PPP3R1: variants seen among roughly 807,000 people sequenced by gnomAD.
The protein encoded by PPP3R1 is protein phosphatase 3 regulatory subunit B, alpha, also known as calcineurin subunit B type 1.
In PPP3R1, 5 loss-of-function variants were observed where a neutral mutation model predicts 22.6. The observed-to-expected ratio is 0.22, with a 90% CI of 0.12 to 0.46. The LOEUF is 0.46. Among genes scored for constraint, PPP3R1 ranks in the 20% least tolerant of loss-of-function variants. PPP3R1 has a pLI of 0.99. For missense variants in PPP3R1, 61 were observed against 203.2 expected, an observed-to-expected ratio of 0.30 and a Z score of 4.25; for synonymous variants, 56 against 65.2, an observed-to-expected ratio of 0.86 and a Z score of 0.68.
chr2:68,236,719 C>T (rs1330979325), intron 1 of PPP3R1, among the ~76,000 whole-genome samples: 1 of 152,038 alleles, frequency 6.6e-6, no homozygotes, highest in African/African-American at 2.4e-5. Flanking sequence ...GTTGTTTTTA[C>T]TATCATATGG....
chr2:68,250,687 C>A (rs549982241), intron 1 of PPP3R1, among the ~76,000 whole-genome samples: 42 of 152,312 alleles, frequency 2.8e-4, no homozygotes, highest in African/African-American at 9.9e-4. Flanking sequence ...AGCTGCCTCG[C>A]AAGTTGGCAA....
At chr2:68,198,329 G>A (rs535906302) in intron 2 of PPP3R1, among the ~76,000 whole-genome samples, 8 of 86,774 alleles carry the variant, frequency 9.2e-5, no homozygotes, top group South Asian at 7.3e-4. Context: ...ATATACATAT[G>A]TACATATATG....
chr2:68,206,953 T>C lies in PPP3R1; in HGVS notation c.43+10139A>G, dbSNP rs1354867336. ...AGAGAACACTGGCTTGAGCTAGGTA[T>C]GGAAGGGATGAGAAGGCATGACAGG... On this transcript the variant is annotated intron_variant, in intron 2 of 5. Coordinates refer to ENST00000234310, the MANE Select transcript of PPP3R1 (RefSeq NM_000945.4). 3.3e-5 allele frequency among the ~76,000 whole-genome samples: 5 copies of C among 152,052 alleles called. No homozygotes were observed. In the East Asian group the frequency reaches 5.8e-4, roughly 18 times the overall value.
chr2:68,232,048 T>C (rs1380932098), intron 1 of PPP3R1, among the ~76,000 whole-genome samples: 1 of 145,824 alleles, frequency 6.9e-6, no homozygotes, highest in Non-Finnish European at 1.5e-5. Context: ...TCACCTGAGG[T>C]CAGGAGTTCA....
intron 2 of PPP3R1, 86 bp downstream of exon 2, chr2:68,217,006 T>C: frequency 1.1e-6 from 1 of 912,522 alleles, no homozygotes; most frequent in Non-Finnish European, 1.6e-6. Context: ...ATTACAGAGG[T>C]ATGATACACA....
At chr2:68,232,387 G>C (rs913742436) in intron 1 of PPP3R1, among the ~76,000 whole-genome samples, 1 of 147,814 alleles carries the variant, frequency 6.8e-6, no homozygotes, top group Non-Finnish European at 1.5e-5. Context: ...GTTGCAGTGA[G>C]CCAAGATCAC....
intron 1 of PPP3R1, among the ~76,000 whole-genome samples, chr2:68,241,398 G>A (rs1051324030): frequency 6.6e-6 from 1 of 152,024 alleles, no homozygotes; most frequent in East Asian, 1.9e-4. Flanking sequence ...ACAATTTAAG[G>A]TGTTGTTATT....
intron 1 of PPP3R1, among the ~76,000 whole-genome samples, chr2:68,235,777 T>A (rs1337592879): frequency 6.6e-6 from 1 of 152,240 alleles, no homozygotes; most frequent in African/African-American, 2.4e-5. Context: ...GAGGAATTAT[T>A]TTCTAATGCA....
At chr2:68,215,275 CTAAAA>C (rs1007430641) in intron 2 of PPP3R1, among the ~76,000 whole-genome samples, 31 of 151,880 alleles carry the variant, frequency 2.0e-4, no homozygotes, top group African/African-American at 7.5e-4. Context: ...ACCCATGAAC[CTAAAA>C]TAAAAGTTTA....
chr2:68,188,380 G>T, intron 3 of PPP3R1, 134 bp downstream of exon 3: 1 of 616,616 alleles, frequency 1.6e-6, no homozygotes, highest in Non-Finnish European at 2.6e-6. Flanking sequence ...TGCCACAGAC[G>T]CTGAGGTTTT....
At chr2:68,244,231 G>C (rs920687928) in intron 1 of PPP3R1, among the ~76,000 whole-genome samples, 10 of 152,110 alleles carry the variant, frequency 6.6e-5, no homozygotes, top group African/African-American at 2.4e-4. Context: ...CTCTTTTCTG[G>C]TTAAAACCCC....
chr2:68,237,552 C>T (rs1558643166), intron 1 of PPP3R1, among the ~76,000 whole-genome samples: 1 of 152,040 alleles, frequency 6.6e-6, no homozygotes, highest in Non-Finnish European at 1.5e-5. Context: ...CATTATACAA[C>T]TCTATGAGTA....
At position 68,190,235 on chromosome 2, in the gene PPP3R1, G is replaced by A. The variant is rs1335665006; in HGVS notation, c.44-1545C>T. Among the ~76,000 whole-genome samples the A allele has an allele frequency of 3.5e-5, 4 of 115,302 alleles. No individual in the cohort carries two copies. In the Admixed American group the frequency reaches 4.3e-4, roughly 13 times the overall value. The allele number at this position is 115,302 out of a possible 152,430, so 75.6% of individuals were successfully genotyped here. On this transcript the variant is annotated intron_variant, in intron 2 of 5. Coordinates refer to ENST00000234310, the MANE Select transcript of PPP3R1 (RefSeq NM_000945.4). ...GTTCACAGGGATTTTTCACAGTAAA[G>A]GATCAGGGCAAGTTTCTCTTAAAAA...
chr2:68,201,562 T>C (rs1264865901), intron 2 of PPP3R1, among the ~76,000 whole-genome samples: 2 of 152,242 alleles, frequency 1.3e-5, no homozygotes, highest in African/African-American at 2.4e-5. Flanking sequence ...GCCTATGGCA[T>C]AGTTGTTATC....
chr2:68,241,843 C>CA (rs35587118), intron 1 of PPP3R1, among the ~76,000 whole-genome samples: 3,950 of 92,450 alleles, frequency 0.043, 186 homozygotes, highest in African/African-American at 0.12. Context: ...GACTCCATCT[C>CA]AAAAAAAAAA....
intron 1 of PPP3R1, among the ~76,000 whole-genome samples, chr2:68,230,758 A>C (rs768719475): frequency 6.2e-4 from 94 of 152,184 alleles, no homozygotes; most frequent in South Asian, 1.2e-3. Flanking sequence ...CTTTCATTCC[A>C]GAAGGGTGTT....
chr2:68,220,894 G>T (rs1214028650), intron 1 of PPP3R1, among the ~76,000 whole-genome samples: 1 of 152,284 alleles, frequency 6.6e-6, no homozygotes, highest in East Asian at 1.9e-4. Context: ...GTTGCTGGGG[G>T]AGGAGGAATG....
At chr2:68,233,798 T>A (rs1168631577) in intron 1 of PPP3R1, among the ~76,000 whole-genome samples, 1 of 152,180 alleles carries the variant, frequency 6.6e-6, no homozygotes, top group Non-Finnish European at 1.5e-5. Context: ...AAACTGAACA[T>A]AGAATAAATG....
intron 1 of PPP3R1, among the ~76,000 whole-genome samples, chr2:68,237,716 T>C (rs1670044537): frequency 1.3e-5 from 2 of 152,118 alleles, no homozygotes; most frequent in Admixed American, 6.6e-5. Context: ...TGGGGCTGTA[T>C]CTTTTTTTCA....
Sources: gnomAD v4.1 joint callset for allele counts (sites outside exome capture counted in the v4.1 genomes callset) on GRCh38, gnomAD v4.1.1 for gene constraint, MANE v1.5 for transcripts, NCBI Gene and HGNC (gene_info 2026-07-23, HGNC 2026-07-21) for gene names.